AP1S3: variants seen among roughly 807,000 people sequenced by gnomAD.
AP1S3 encodes adaptor related protein complex 1 subunit sigma 3, also known as AP-1 complex subunit sigma-3.
AP1S3 carries 10 observed loss-of-function variants against 20.9 expected under a neutral mutation model. The ratio of observed to expected loss-of-function variants is 0.48; its 90% confidence interval spans 0.29 to 0.81. The LOEUF (loss-of-function observed/expected upper bound fraction) is 0.81. Ranked by LOEUF, AP1S3 falls within the 30% of genes least tolerant of loss-of-function variation. The pLI is 0.08. For synonymous variants in AP1S3, 41 were observed against 61.5 expected (o/e 0.67, Z 1.56); for missense variants, 154 against 183.8 (o/e 0.84, Z 0.94).
chr2:223,760,574 T>C (rs1690330366), intron 4 of AP1S3, among the ~76,000 whole-genome samples: 1 of 152,212 alleles, frequency 6.6e-6, no homozygotes, highest in Admixed American at 6.5e-5. Context: ...CCTCTACAGA[T>C]GCTGCCCGTG....
At position 223,756,252 on chromosome 2, in the gene AP1S3, G is replaced by C. The variant is rs925308478; in HGVS notation, c.*2463C>G. On this transcript the variant is annotated 3_prime_UTR_variant, in exon 5 of 5. Transcript: ENST00000396654. The stretch of plus-strand genomic sequence containing the variant: ...CTCGGGAGGCTGAGGCAGGAGAATC[G>C]TTTGAACCCAGGAGACGGAGGCTGC... Among the ~76,000 whole-genome samples, 2 of 152,024 alleles carry C rather than the reference G, an allele frequency of 1.3e-5. No homozygotes were observed. Among genetic ancestry groups the C allele is most frequent in the African/African-American group, 4.8e-5 (2 of 41,390 alleles).
At chr2:223,821,741 T>C (rs1022349720) in intron 1 of AP1S3, among the ~76,000 whole-genome samples, 1 of 152,200 alleles carries the variant, frequency 6.6e-6, no homozygotes, top group African/African-American at 2.4e-5. Context: ...GCCTGGCTCC[T>C]GGGCAACAGC....
At chr2:223,809,131 G>T (rs1691654438) in intron 1 of AP1S3, among the ~76,000 whole-genome samples, 1 of 152,162 alleles carries the variant, frequency 6.6e-6, no homozygotes, top group African/African-American at 2.4e-5. Context: ...GGTCAGAGCA[G>T]GTCACTCCCC....
chr2:223,765,201 A>T lies in AP1S3; in HGVS notation c.429+12T>A. 6.2e-7 allele frequency: 1 copy of T among 1,609,520 alleles called. No homozygotes were observed. Among genetic ancestry groups the T allele is most frequent in the Non-Finnish European group, 8.5e-7 (1 of 1,179,132 alleles). ...ATCATCTTTCTCCCATGGTTTGGGA[A>T]ACCGTACTGACCTCCTGTAACATAT... On this transcript the variant is annotated intron_variant, in intron 4 of 4. Transcript: ENST00000396654.
chr2:223,777,010 A>G (rs1410775019), intron 2 of AP1S3, among the ~76,000 whole-genome samples: 1 of 152,258 alleles, frequency 6.6e-6, no homozygotes, highest in Non-Finnish European at 1.5e-5. Context: ...CTAAGTGAAA[A>G]TATTGTATTT....
chr2:223,758,072 T>C lies in AP1S3; in HGVS notation c.*643A>G, dbSNP rs1690264983. 10 of 984,004 alleles carry C rather than the reference T, an allele frequency of 1.0e-5. No homozygotes were observed. In the South Asian group the frequency reaches 4.7e-4, roughly 46 times the overall value. The allele number at this position is 984,004 out of a possible 1,614,324, so 61.0% of individuals were successfully genotyped here. On this transcript the variant is annotated 3_prime_UTR_variant, in exon 5 of 5. Coordinates refer to ENST00000396654, the MANE Select transcript of AP1S3 (RefSeq NM_001039569.2). ...AGATAAATTAAAACCTCAGTCAAGA[T>C]AGCAGCTTCTAAGGCATCAAAAACA...
chr2:223,836,367 C>G lies in AP1S3; in HGVS notation c.3+1081G>C, dbSNP rs545972488. Among the ~76,000 whole-genome samples, 12 of 152,362 alleles carry G rather than the reference C, an allele frequency of 7.9e-5. No homozygotes were observed. The East Asian group carries it at 2.3e-3, about 29-fold the overall frequency. On this transcript the variant is annotated intron_variant, in intron 1 of 4. Transcript: ENST00000396654. ...GTCACCAGATCTCTCATCAGCAGGG[C>G]TGCGGCCGGCCTCAGCTTCCAACCT... is the stretch of plus-strand genomic sequence containing the variant.
chr2:223,783,567 C>G (rs890693505), intron 1 of AP1S3, among the ~76,000 whole-genome samples: 4 of 152,206 alleles, frequency 2.6e-5, no homozygotes, highest in Non-Finnish European at 4.4e-5. Context: ...GAGGGAAGCA[C>G]GAAGCGCAGC....
chr2:223,792,334 A>G (rs544057400), intron 1 of AP1S3, among the ~76,000 whole-genome samples: 5 of 152,192 alleles, frequency 3.3e-5, no homozygotes, highest in Non-Finnish European at 7.4e-5. Flanking sequence ...TGGTACAAGA[A>G]CAGACACGTT....
At chr2:223,815,934 A>G (rs1691832623) in intron 1 of AP1S3, among the ~76,000 whole-genome samples, 1 of 152,176 alleles carries the variant, frequency 6.6e-6, no homozygotes, top group Admixed American at 6.6e-5. Flanking sequence ...ACACAGTGAA[A>G]CCACATCTGT....
At position 223,756,691 on chromosome 2, in the gene AP1S3, T is replaced by G. The variant is rs1690230364; in HGVS notation, c.*2024A>C. 1 of 985,238 alleles carries G rather than the reference T, an allele frequency of 1.0e-6. No individual in the cohort carries two copies. The allele number at this position is 985,238 out of a possible 1,614,324, so 61.0% of individuals were successfully genotyped here. On this transcript the variant is annotated 3_prime_UTR_variant, in exon 5 of 5. Transcript: ENST00000396654. ...CTGAGTTATTTCCTTTGAACAATGG[T>G]TATATTGAGGAATTGGTGAATTTTT...
intron 1 of AP1S3, among the ~76,000 whole-genome samples, chr2:223,780,351 AGAGAGAGT>A (rs1193549072): frequency 1.9e-3 from 119 of 62,172 alleles, no homozygotes; most frequent in East Asian, 2.4e-3. Context: ...AGAGAGAGAG[AGAGAGAGT>A]GTGTGTGTGT....
In AP1S3 at chr2:223,784,622, A is replaced by T. The variant is rs149553588; in HGVS notation, c.4-6753T>A. Reference sequence around the variant, plus strand: ...AACAACCACCCACCCCCAGACCTCCAACTCTCCTGAAAAGTGACTCAGCAG... The same window carrying T: ...AACAACCACCCACCCCCAGACCTCCTACTCTCCTGAAAAGTGACTCAGCAG... On this transcript the variant is annotated intron_variant, in intron 1 of 4. Coordinates refer to ENST00000396654, the MANE Select transcript of AP1S3 (RefSeq NM_001039569.2). Among the ~76,000 whole-genome samples, 651 of 152,184 alleles carry T rather than the reference A, an allele frequency of 4.3e-3. 5 individuals are homozygous for T. The highest frequency in any genetic ancestry group is 7.3e-3 in the Non-Finnish European group (496 of 68,008).
Position 223,775,882 on chromosome 2 carries a change from C to T in AP1S3, c.291+19G>A, listed in dbSNP as rs754740556. On this transcript the variant is annotated intron_variant, in intron 3 of 4. Transcript: ENST00000396654. ...GATGGGGACTGTAGCTAATCCTAAC[C>T]GACAAGGACAACACTTACATTTCCA... The T allele has an allele frequency of 1.1e-5, 17 of 1,598,310 alleles. No individual in the cohort carries two copies. The highest frequency in any genetic ancestry group is 1.7e-4 in the Middle Eastern group (1 of 6,060).
chr2:223,834,902 C>G (rs1015156948), intron 1 of AP1S3, among the ~76,000 whole-genome samples: 1 of 152,018 alleles, frequency 6.6e-6, no homozygotes, highest in Non-Finnish European at 1.5e-5. Flanking sequence ...TGCAAATCTC[C>G]TTAATGTCTG....
At chr2:223,796,423 ACTTAC>A (rs1419046891) in intron 1 of AP1S3, among the ~76,000 whole-genome samples, 1 of 152,166 alleles carries the variant, frequency 6.6e-6, no homozygotes, top group East Asian at 1.9e-4. Context: ...TAGCTGACTT[ACTTAC>A]CTTGTCTCCT....
intron 3 of AP1S3, 68 bp from the exon 4 acceptor site, chr2:223,765,418 T>G (rs1690453090): frequency 6.6e-7 from 1 of 1,514,950 alleles, no homozygotes; most frequent in African/African-American, 1.4e-5. Flanking sequence ...TGCCCGAATC[T>G]CGAGCTTTTT....
chr2:223,771,756 C>G lies in AP1S3; in HGVS notation c.291+4145G>C, dbSNP rs561810809. On this transcript the variant is annotated intron_variant, in intron 3 of 4. Coordinates refer to ENST00000396654, the MANE Select transcript of AP1S3 (RefSeq NM_001039569.2). ...AGTAAATACAAAAAGTTTCAAGTTA[C>G]ATGCAGCAAATGCTTCAAATAATAG... Among the ~76,000 whole-genome samples the G allele has an allele frequency of 1.3e-5, 2 of 152,348 alleles. 1 individual carries two copies. The highest frequency in any genetic ancestry group is 4.1e-4 in the South Asian group (2 of 4,834).
chr2:223,819,931 TA>T (rs35505776), intron 1 of AP1S3, among the ~76,000 whole-genome samples: 71,361 of 150,966 alleles, frequency 0.47, 17,926 homozygotes, highest in African/African-American at 0.65. Context: ...CTAGTTATGT[TA>T]AAAAAAAAAA....
Sources: allele counts gnomAD v4.1 joint callset (sites outside exome capture counted in the v4.1 genomes callset), GRCh38; gene constraint gnomAD v4.1.1; transcripts MANE v1.5; gene names NCBI Gene and HGNC (gene_info 2026-07-23, HGNC 2026-07-21).